Variants in DLG2 observed in about 807,000 individuals in gnomAD.
The protein encoded by DLG2 is disks large homolog 2.
DLG2 carries 45 observed loss-of-function variants against 132.5 expected under a neutral mutation model. That is an observed-to-expected ratio of 0.34 (90% CI 0.27 to 0.44). DLG2 has a LOEUF of 0.44. Among genes scored for constraint, DLG2 ranks in the 20% least tolerant of loss-of-function variants. The pLI, the probability that DLG2 is intolerant of heterozygous loss-of-function variation, is 1.00. For missense variants in DLG2, 1,045 were observed against 1,196.9 expected (o/e 0.87, Z 1.87); for synonymous variants, 424 against 419.6 (o/e 1.01, Z -0.13).
intron 2 of DLG2, among the ~76,000 whole-genome samples, chr11:85,605,149 T>A (rs2080437172): frequency 1.3e-5 from 2 of 152,228 alleles, no homozygotes; most frequent in Admixed American, 1.3e-4. Flanking sequence ...ATGCATTATC[T>A]TATCTGATTC....
At chr11:84,113,932 T>C (rs185763953) in intron 9 of DLG2, among the ~76,000 whole-genome samples, 2 of 152,186 alleles carry the variant, frequency 1.3e-5, no homozygotes, top group African/African-American at 4.8e-5. Context: ...TATGAAAACA[T>C]TCTGCCTTTC....
At chr11:84,477,010 A>G (rs892277783) in intron 7 of DLG2, among the ~76,000 whole-genome samples, 1 of 152,158 alleles carries the variant, frequency 6.6e-6, no homozygotes, top group Non-Finnish European at 1.5e-5. Flanking sequence ...CAAATACAGT[A>G]ATCTTTAGAC....
At chr11:85,337,954 T>C (rs1233819674) in intron 3 of DLG2, among the ~76,000 whole-genome samples, 1 of 152,206 alleles carries the variant, frequency 6.6e-6, no homozygotes, top group East Asian at 1.9e-4. Context: ...CTGAAGATTG[T>C]ACATAGCTGC....
At chr11:84,158,369 T>C (rs949883946) in intron 9 of DLG2, among the ~76,000 whole-genome samples, 25 of 152,288 alleles carry the variant, frequency 1.6e-4, no homozygotes, top group African/African-American at 5.8e-4. Context: ...GGCCTATTGT[T>C]GTTGTTTTCA....
rs192243131 is a variant in DLG2, at chr11:83,968,680, G to A, written c.1057-3212C>T. 2.8e-3 allele frequency among the ~76,000 whole-genome samples: 425 copies of A among 152,284 alleles called. 2 individuals carry two copies. Among genetic ancestry groups the A allele is most frequent in the Non-Finnish European group, 4.3e-3 (295 of 68,008 alleles). On this transcript the variant is annotated intron_variant, in intron 12 of 27. Coordinates refer to ENST00000376104, the MANE Select transcript of DLG2 (RefSeq NM_001142699.3). ...ACCTTATTTTACAGATGAGAAAAGT[G>A]TGTCTCCAAGAGGTTAAGAAACTTG...
chr11:83,969,036 T>C (rs1228956785), intron 12 of DLG2, among the ~76,000 whole-genome samples: 1 of 152,204 alleles, frequency 6.6e-6, no homozygotes, highest in East Asian at 1.9e-4. Context: ...AGGAGTCCTA[T>C]GTCACATATT....
intron 16 of DLG2, among the ~76,000 whole-genome samples, chr11:83,862,748 G>A (rs1264281823): frequency 1.3e-5 from 2 of 152,086 alleles, no homozygotes; most frequent in Non-Finnish European, 2.9e-5. Context: ...GAGAGAGAAA[G>A]TGATGACTAG....
At chr11:85,524,832 C>A (rs1304941448) in intron 3 of DLG2, among the ~76,000 whole-genome samples, 1 of 151,986 alleles carries the variant, frequency 6.6e-6, no homozygotes, top group Non-Finnish European at 1.5e-5. Flanking sequence ...CACGAACAGG[C>A]AAACTCAATC....
At chr11:84,106,347 G>T (rs1424794163) in intron 9 of DLG2, among the ~76,000 whole-genome samples, 1 of 152,102 alleles carries the variant, frequency 6.6e-6, no homozygotes, top group Admixed American at 6.6e-5. Flanking sequence ...CTCATGTTAC[G>T]ATATCTAAAG....
chr11:83,517,960 C>T lies in DLG2; in HGVS notation c.2193+14748G>A, dbSNP rs189828662. 2.4e-3 allele frequency among the ~76,000 whole-genome samples: 367 copies of T among 152,274 alleles called. 1 individual carries two copies. Among genetic ancestry groups the T allele is most frequent in the African/African-American group, 8.4e-3 (350 of 41,550 alleles). ...GGGGGTGACTCCCAGTTAGGCTACT[C>T]GGGGGTCAGGGACCCACTTGAGGAG... On this transcript the variant is annotated intron_variant, in intron 21 of 27. Transcript: ENST00000376104.
intron 6 of DLG2, among the ~76,000 whole-genome samples, chr11:85,087,972 G>A (rs553899064): frequency 6.6e-6 from 1 of 151,876 alleles, no homozygotes; most frequent in South Asian, 2.1e-4. Context: ...AAAAGGGCAA[G>A]ATTATTAGAT....
At chr11:84,694,628 A>G (rs1487792767) in intron 6 of DLG2, among the ~76,000 whole-genome samples, 1 of 151,536 alleles carries the variant, frequency 6.6e-6, no homozygotes, top group Admixed American at 6.6e-5. Flanking sequence ...TTGTTTTATC[A>G]GAGAATAAGC....
chr11:84,764,103 T>G (rs1202871820), intron 6 of DLG2, among the ~76,000 whole-genome samples: 2 of 152,154 alleles, frequency 1.3e-5, no homozygotes, highest in South Asian at 2.1e-4. Context: ...TCTCACCATT[T>G]TATTGGCTCC....
At chr11:85,102,003 C>A (rs187856771) in intron 6 of DLG2, among the ~76,000 whole-genome samples, 11 of 151,952 alleles carry the variant, frequency 7.2e-5, no homozygotes, top group African/African-American at 2.4e-4. Flanking sequence ...TTCAAATGTG[C>A]TTTTGTGGCT....
At chr11:84,070,411 A>G (rs914806938) in intron 10 of DLG2, among the ~76,000 whole-genome samples, 4 of 152,204 alleles carry the variant, frequency 2.6e-5, no homozygotes, top group Admixed American at 2.0e-4. Context: ...TAATGTCCCA[A>G]TTGCAAATAC....
intron 5 of DLG2, among the ~76,000 whole-genome samples, chr11:85,115,445 T>A (rs1401505296): frequency 6.6e-6 from 1 of 151,970 alleles, no homozygotes; most frequent in Non-Finnish European, 1.5e-5. Context: ...AAAGTACTTA[T>A]TCTAAGGAGA....
At chr11:83,786,584 C>A in intron 18 of DLG2, 106 bp downstream of exon 18, 3 of 1,047,010 alleles carry the variant, frequency 2.9e-6, no homozygotes, top group South Asian at 1.5e-5. Flanking sequence ...GGTAGGTTTA[C>A]AAAACACCAA....
intron 4 of DLG2, among the ~76,000 whole-genome samples, chr11:85,178,847 G>C (rs961497701): frequency 6.6e-6 from 1 of 151,854 alleles, no homozygotes; most frequent in Admixed American, 6.6e-5. Flanking sequence ...TAGATAAAGA[G>C]CTGTACAAAA....
chr11:85,222,663 C>G (rs1439771796), intron 4 of DLG2, among the ~76,000 whole-genome samples: 3 of 152,198 alleles, frequency 2.0e-5, no homozygotes, highest in African/African-American at 7.2e-5. Flanking sequence ...AATCTAGACC[C>G]AGAGACTGTG....
Sources: allele counts gnomAD v4.1 joint callset (sites outside exome capture counted in the v4.1 genomes callset), GRCh38; gene constraint gnomAD v4.1.1; transcripts MANE v1.5; gene names NCBI Gene and HGNC (gene_info 2026-07-23, HGNC 2026-07-21).